OCIAD1: variants seen among roughly 807,000 people sequenced by gnomAD.
OCIAD1 encodes OCIA domain containing 1.
A neutral mutation model predicts 38.9 loss-of-function variants in OCIAD1; 29 were observed. That is an observed-to-expected ratio of 0.74 (90% confidence interval 0.55 to 1.02). The LOEUF is 1.02. Ranked by LOEUF, OCIAD1 falls within the 50% of genes least tolerant of loss-of-function variation. The probability of loss-of-function intolerance (pLI) is 0.00; values close to 1 mark genes in which losing one functional copy is unlikely to be tolerated. For synonymous variants in OCIAD1, 110 were observed against 92.0 expected, an observed-to-expected ratio of 1.20 and a Z score of -1.12; for missense variants, 288 against 289.6, an observed-to-expected ratio of 0.99 and a Z score of 0.04.
chr4:48,833,480 A>T lies in OCIAD1; in HGVS notation c.138A>T (p.Arg46Ser). ...GCAATGATGAAAGCTTCTGGTTCAG[A>T]TGTGAGTTCAATTTTCTAATTAATA... The part of the protein sequence containing the change: ...AECNDESFWF[R>S]SVPLAATSML... Residue 46 changes from arginine (R) to serine (S), a missense_variant and splice_region_variant, in exon 3 of 9, where the codon AGA (arginine) becomes AGT (serine). Transcript: ENST00000264312. The T allele has an allele frequency of 6.4e-7, 1 of 1,562,126 alleles. No individual in the cohort carries two copies.
intron 8 of OCIAD1, among the ~76,000 whole-genome samples, chr4:48,859,535 G>A (rs922647672): frequency 1.3e-5 from 2 of 152,166 alleles, no homozygotes; most frequent in African/African-American, 4.8e-5. Context: ...AAATTTGGTA[G>A]ACCTTTAACA....
chr4:48,832,434 A>G (rs557260040), intron 1 of OCIAD1, among the ~76,000 whole-genome samples, 186 bp from the exon 2 acceptor site: 6 of 152,338 alleles, frequency 3.9e-5, no homozygotes, highest in Admixed American at 1.3e-4. Flanking sequence ...CAAATTAATC[A>G]GTAGGTCTGT....
upstream of OCIAD1, among the ~76,000 whole-genome samples, chr4:48,828,119 A>C (rs937251381): frequency 8.5e-5 from 13 of 152,108 alleles, no homozygotes; most frequent in Non-Finnish European, 1.6e-4. Flanking sequence ...TTTTATGTCT[A>C]GGGAAAGGTT....
chr4:48,853,828 G>A (rs1203529685), intron 7 of OCIAD1, among the ~76,000 whole-genome samples: 1 of 152,182 alleles, frequency 6.6e-6, no homozygotes, highest in Non-Finnish European at 1.5e-5. Context: ...GCAAAAGTCG[G>A]GGCAAAGGGG....
chr4:48,849,312 A>G (rs894480788), intron 5 of OCIAD1, among the ~76,000 whole-genome samples: 6 of 152,004 alleles, frequency 3.9e-5, no homozygotes, highest in African/African-American at 1.4e-4. Context: ...AAGTAAATAA[A>G]TAAATAAATA....
At chr4:48,849,802 C>T (rs1779269252) in intron 5 of OCIAD1, 145 bp from the exon 6 acceptor site, 3 of 668,352 alleles carry the variant, frequency 4.5e-6, no homozygotes, top group Non-Finnish European at 7.5e-6. Flanking sequence ...ATTTTGATTT[C>T]TTCTACCATT....
intron 1 of OCIAD1, 28 bp downstream of exon 1, chr4:48,831,277 T>C: frequency 2.8e-6 from 1 of 353,742 alleles, no homozygotes; most frequent in East Asian, 7.5e-5. Flanking sequence ...AACAGCCCCG[T>C]TGTTGCCCTC....
At chr4:48,821,247 T>C (rs1777191866) in intron 1 of OCIAD1, among the ~76,000 whole-genome samples, 1 of 152,176 alleles carries the variant, frequency 6.6e-6, no homozygotes, top group Non-Finnish European at 1.5e-5. Flanking sequence ...TGGTTCAACA[T>C]ACTCAAATCA....
At chr4:48,852,203 C>T (rs964201362) in intron 7 of OCIAD1, 12 of 396,072 alleles carry the variant, frequency 3.0e-5, no homozygotes, top group Non-Finnish European at 4.9e-5. Context: ...ACACTTGGTT[C>T]TTGTCCCTGA....
intron 1 of OCIAD1, chr4:48,831,508 A>G (rs755061019): frequency 7.7e-7 from 1 of 1,290,366 alleles, no homozygotes; most frequent in Non-Finnish European, 1.0e-6. Context: ...TGGGAGACGG[A>G]CACTGGGTGG....
At position 48,833,405 on chromosome 4, in the gene OCIAD1, A is replaced by G. The variant is rs750430021; in HGVS notation, c.63A>G (p.Ile21Met). 7.6e-6 allele frequency: 12 copies of G among 1,574,852 alleles called. No individual in the cohort carries two copies. Among genetic ancestry groups the G allele is most frequent in the Non-Finnish European group, 8.7e-6 (10 of 1,148,332 alleles). ...CTGATTTTCCCTGGTAAAAAGACAT[A>G]GGGCCTGATTACATTCCAACAGAGG... ...NAEVPRPIPH[I>M]GPDYIPTEEE... The change falls in exon 3 of 9, where the codon ATA (isoleucine) becomes ATG (methionine). Residue 21 changes from isoleucine (I) to methionine (M), a missense_variant. Physicochemically the swap from Ile to Met is conservative, Grantham distance 10 (BLOSUM62 1). Coordinates refer to ENST00000264312, the MANE Select transcript of OCIAD1 (RefSeq NM_017830.4).
rs1779270268 is a variant in OCIAD1 at position 48,849,810 on chromosome 4, A to G, written c.242-137A>G. On this transcript the variant is annotated intron_variant, in intron 5 of 8. Transcript: ENST00000264312. The stretch of plus-strand genomic sequence containing the variant: ...TGATTTAATTTTGATTTCTTCTACC[A>G]TTATTTCAGGAAATCTCAGTCTTTC... 31 of 685,802 alleles carry G rather than the reference A, an allele frequency of 4.5e-5. 2 individuals carry two copies. In the South Asian group the frequency reaches 5.9e-4, roughly 13 times the overall value. The allele number at this position is 685,802 out of a possible 1,614,324, so 42.5% of individuals were successfully genotyped here.
At chr4:48,854,445 C>A (rs1779821839) in intron 7 of OCIAD1, among the ~76,000 whole-genome samples, 1 of 152,152 alleles carries the variant, frequency 6.6e-6, no homozygotes, top group Admixed American at 6.5e-5. Context: ...GTAACTGAAA[C>A]CCTGGAAAGC....
intron 1 of OCIAD1, among the ~76,000 whole-genome samples, chr4:48,811,739 T>C (rs1237233757): frequency 6.6e-6 from 1 of 152,128 alleles, no homozygotes; most frequent in Non-Finnish European, 1.5e-5. Flanking sequence ...AGAAATTTTA[T>C]GTAGAGTGAG....
Position 48,857,297 on chromosome 4 carries a change from A to T in OCIAD1, c.632A>T (p.Glu211Val), listed in dbSNP as rs1443564759. The stretch of plus-strand genomic sequence containing the variant: ...AGGAATAAGAACAGAGAGTCATATG[A>T]AGTATCTTTAACACAAAAGACTGAC... ...ELRNKNRESYEVSLTQKTDPS... is the reference protein window; with the variant it reads ...ELRNKNRESYVVSLTQKTDPS... Residue 211 changes from glutamate (E) to valine (V), a missense_variant, in exon 8 of 9, where the codon GAA (glutamate) becomes GTA (valine). By Grantham distance (121) the Glu-to-Val change is moderately radical. Coordinates refer to ENST00000264312, the MANE Select transcript of OCIAD1 (RefSeq NM_017830.4). 1 of 1,601,250 alleles carries T rather than the reference A, an allele frequency of 6.2e-7. No homozygotes were observed. The highest frequency in any genetic ancestry group is 1.3e-5 in the African/African-American group (1 of 74,492).
rs778136074 is a variant in OCIAD1 at position 48,857,323 on chromosome 4, C to T, written c.658C>T (p.Pro220Ser). 2 of 1,592,266 alleles carry T rather than the reference C, an allele frequency of 1.3e-6. No homozygotes were observed. The highest frequency in any genetic ancestry group is 2.3e-5 in the South Asian group (2 of 87,436). ...AGTATCTTTAACACAAAAGACTGAC[C>T]CCTCAGTCAGGCCTATGCATGAAAG... ...YEVSLTQKTD[P>S]SVRPMHERVP... The change falls in exon 8 of 9, where the codon CCC (proline) becomes TCC (serine). Residue 220 changes from proline (P) to serine (S), a missense_variant. Transcript: ENST00000264312.
At chr4:48,814,084 T>C (rs1457926330) in intron 1 of OCIAD1, among the ~76,000 whole-genome samples, 1 of 152,100 alleles carries the variant, frequency 6.6e-6, no homozygotes, top group Non-Finnish European at 1.5e-5. Context: ...GTTCCCCTAA[T>C]TCATCTAACA....
intron 1 of OCIAD1, among the ~76,000 whole-genome samples, chr4:48,822,482 T>C (rs565463393): frequency 7.2e-5 from 11 of 152,300 alleles, no homozygotes; most frequent in Middle Eastern, 3.4e-3. Flanking sequence ...GACATAGGCA[T>C]GGGCAAAGAC....
chr4:48,857,265 G>T lies in OCIAD1; in HGVS notation c.600G>T (p.Glu200Asp). 1 of 1,583,522 alleles carries T rather than the reference G, an allele frequency of 6.3e-7. No homozygotes were observed. Residue 200 changes from glutamate to aspartate, a missense_variant, in exon 8 of 9, where the codon GAG becomes GAT. Coordinates refer to ENST00000264312, the MANE Select transcript of OCIAD1 (RefSeq NM_017830.4). The stretch of plus-strand genomic sequence containing the variant: ...CTAAAAGAAAAAATATTACATATGA[G>T]GAATTAAGGAATAAGAACAGAGAGT... ...ESPKRKNITY[E>D]ELRNKNRESY...
Sources: allele counts gnomAD v4.1 joint callset (sites outside exome capture counted in the v4.1 genomes callset), GRCh38; gene constraint gnomAD v4.1.1; transcripts MANE v1.5; gene names NCBI Gene and HGNC (gene_info 2026-07-23, HGNC 2026-07-21).